Variants in DNAH11 observed in about 807,000 individuals in gnomAD.
DNAH11 encodes the protein axonemal beta dynein heavy chain 11.
In DNAH11, 442 loss-of-function variants were observed where a neutral mutation model predicts 526.0. The observed-to-expected ratio is 0.84, with a 90% CI of 0.78 to 0.91. DNAH11 has a LOEUF of 0.91. Among genes scored for constraint, DNAH11 ranks in the 40% least tolerant of loss-of-function variants. DNAH11 has a pLI of 0.00. For missense variants in DNAH11, 6,989 were observed against 5,448.7 expected, an observed-to-expected ratio of 1.28 and a Z score of -8.90; for synonymous variants, 2,461 against 1,935.9, an observed-to-expected ratio of 1.27 and a Z score of -7.12.
At chr7:21,590,768 T>C (rs1784644038) in intron 12 of DNAH11, 150 bp from the exon 13 acceptor site, 3 of 475,980 alleles carry the variant, frequency 6.3e-6, no homozygotes, top group Middle Eastern at 6.0e-4. Context: ...TTTTTGTTTT[T>C]AAAAAGTATA....
chr7:21,856,187 G>C (rs1782841215), intron 68 of DNAH11, among the ~76,000 whole-genome samples: 1 of 152,094 alleles, frequency 6.6e-6, no homozygotes, highest in Admixed American at 6.5e-5. Flanking sequence ...GTGGAATTTG[G>C]GGATTATAAT....
At chr7:21,861,390 G>A (rs952102760) in intron 68 of DNAH11, among the ~76,000 whole-genome samples, 7 of 152,160 alleles carry the variant, frequency 4.6e-5, no homozygotes, top group South Asian at 2.1e-4. Flanking sequence ...CCCCAAAAAT[G>A]TATGGCCTTG....
At chr7:21,548,874 C>T (rs186549700) in intron 2 of DNAH11, among the ~76,000 whole-genome samples, 2 of 151,068 alleles carry the variant, frequency 1.3e-5, no homozygotes, top group African/African-American at 4.8e-5. Flanking sequence ...TGGGAAAGAG[C>T]AATGACAGAC....
chr7:21,601,644 A>G lies in DNAH11; in HGVS notation c.3648+26A>G, dbSNP rs1785096355. The stretch of plus-strand genomic sequence containing the variant: ...GTAAGTGCAGAGGTGAAATAATCAT[A>G]ATTACCATAAATTGAGCATCTCTTT... On this transcript the variant is annotated intron_variant, in intron 18 of 81. Transcript: ENST00000409508. The G allele has an allele frequency of 2.7e-6, 4 of 1,470,038 alleles. No homozygotes were observed. The Admixed American group carries it at 9.8e-5, about 36-fold the overall frequency. The allele number at this position is 1,470,038 out of a possible 1,614,324, so 91.1% of individuals were successfully genotyped here.
At chr7:21,853,349 A>G (rs1782715211) in intron 67 of DNAH11, among the ~76,000 whole-genome samples, 1 of 152,224 alleles carries the variant, frequency 6.6e-6, no homozygotes, top group African/African-American at 2.4e-5. Flanking sequence ...GTCACTACGC[A>G]TCCTTTATAT....
intron 43 of DNAH11, among the ~76,000 whole-genome samples, chr7:21,719,611 T>A (rs1402938801): frequency 6.6e-6 from 1 of 152,160 alleles, no homozygotes; most frequent in African/African-American, 2.4e-5. Flanking sequence ...ATTGGTGAGT[T>A]TTTTTCTATT....
At chr7:21,817,221 G>C (rs999328558) in intron 64 of DNAH11, among the ~76,000 whole-genome samples, 13 of 152,050 alleles carry the variant, frequency 8.5e-5, no homozygotes, top group African/African-American at 3.1e-4. Context: ...CTGTTACTGA[G>C]TCATCATGAT....
At chr7:21,700,256 G>T (rs947232312) in intron 36 of DNAH11, among the ~76,000 whole-genome samples, 1 of 152,156 alleles carries the variant, frequency 6.6e-6, no homozygotes, top group Non-Finnish European at 1.5e-5. Context: ...GAAAGAGTTT[G>T]CTAACTCAGA....
intron 46 of DNAH11, among the ~76,000 whole-genome samples, chr7:21,737,444 A>T (rs1417997106): frequency 6.6e-6 from 1 of 152,190 alleles, no homozygotes; most frequent in African/African-American, 2.4e-5. Context: ...CTGAGATGCA[A>T]ACTGAGGGGA....
At chr7:21,888,570 A>T (rs1032785042) in intron 76 of DNAH11, among the ~76,000 whole-genome samples, 1 of 150,678 alleles carries the variant, frequency 6.6e-6, no homozygotes, top group African/African-American at 2.4e-5. Flanking sequence ...GCTCACTGCA[A>T]CCTCCACCTT....
At position 21,894,643 on chromosome 7, in the gene DNAH11, C is replaced by G; in HGVS notation, c.12771C>G (p.Asp4257Glu). 6.2e-7 allele frequency: 1 copy of G among 1,613,700 alleles called. No individual in the cohort carries two copies. The highest frequency in any genetic ancestry group is 8.5e-7 in the Non-Finnish European group (1 of 1,179,834). ...TEEKVKNVLD[D>E]ILEKLPEEFN... ...TTAAGGTTAAGAATGTCTTGGATGA[C>G]ATTTTGGAGAAACTTCCAGAAGAGT... The change falls in exon 78 of 82, where the codon GAC becomes GAG. Residue 4257 changes from aspartate (D) to glutamate (E), a missense_variant. Asp to Glu is a conservative substitution (Grantham distance 45). Transcript: ENST00000409508.
chr7:21,853,500 C>T (rs1782719239), intron 67 of DNAH11, among the ~76,000 whole-genome samples: 1 of 152,198 alleles, frequency 6.6e-6, no homozygotes, highest in African/African-American at 2.4e-5. Context: ...CTAATTGTCT[C>T]TTAAAATGTG....
intron 34 of DNAH11, among the ~76,000 whole-genome samples, chr7:21,689,590 G>A (rs1162448808): frequency 2.0e-4 from 30 of 152,218 alleles, no homozygotes. Flanking sequence ...TTATTCTGTG[G>A]CAAGAGCCAC....
intron 32 of DNAH11, among the ~76,000 whole-genome samples, chr7:21,685,147 AAGTC>A (rs1783319190): frequency 6.6e-6 from 1 of 152,204 alleles, no homozygotes; most frequent in Admixed American, 6.5e-5. Context: ...CTCTGATTAA[AAGTC>A]AGCATTCACT....
chr7:21,864,958 A>G (rs958909686), intron 70 of DNAH11, among the ~76,000 whole-genome samples: 4 of 152,350 alleles, frequency 2.6e-5, no homozygotes, highest in Admixed American at 6.5e-5. Context: ...AAAGTTCCTT[A>G]AATCTAAAAT....
intron 28 of DNAH11, among the ~76,000 whole-genome samples, 170 bp downstream of exon 28, chr7:21,639,235 G>A (rs1456515600): frequency 6.6e-6 from 1 of 152,176 alleles, no homozygotes; most frequent in Non-Finnish European, 1.5e-5. Context: ...TGTGCAAAAG[G>A]GAGTAGGAAG....
intron 30 of DNAH11, among the ~76,000 whole-genome samples, chr7:21,669,675 GTGTA>G (rs1331584390): frequency 7.3e-6 from 1 of 137,432 alleles, no homozygotes; most frequent in Non-Finnish European, 1.6e-5. Context: ...GTGTGTGTGT[GTGTA>G]TGAGAGATAG....
intron 65 of DNAH11, among the ~76,000 whole-genome samples, chr7:21,832,173 T>C (rs1431232916): frequency 1.3e-5 from 2 of 152,138 alleles, no homozygotes; most frequent in Non-Finnish European, 2.9e-5. Context: ...ATTTAGTCCA[T>C]TTACATTTAA....
At position 21,742,011 on chromosome 7, in the gene DNAH11, C is replaced by T. The variant is rs1191615331; in HGVS notation, c.7999C>T (p.Gln2667Ter). 1.2e-6 allele frequency: 2 copies of T among 1,613,886 alleles called. No individual in the cohort carries two copies. The highest frequency in any genetic ancestry group is 2.2e-5 in the East Asian group (1 of 44,880). The change falls in exon 49 of 82, where the codon CAA becomes TAA. Residue 2667 changes from glutamine (Q) to a stop codon, truncating the protein, a stop_gained. Coordinates refer to ENST00000409508, the MANE Select transcript of DNAH11 (RefSeq NM_001277115.2). LOFTEE classifies it high-confidence loss of function. ...IYGQIFSFHFQQQAFAPSILR... is the reference protein window; with the variant it reads ...IYGQIFSFHF Reference sequence around the variant, plus strand: ...TGGCCAAATCTTTAGCTTCCATTTCCAACAGCAAGCATTTGCTCCATCAAT... The same window carrying T: ...TGGCCAAATCTTTAGCTTCCATTTCTAACAGCAAGCATTTGCTCCATCAAT...
Sources: allele counts gnomAD v4.1 joint callset (sites outside exome capture counted in the v4.1 genomes callset), GRCh38; gene constraint gnomAD v4.1.1; transcripts MANE v1.5; gene names NCBI Gene and HGNC (gene_info 2026-07-23, HGNC 2026-07-21).